The following FSTL5 variants were observed in gnomAD, a reference collection of about 807,000 sequenced individuals.
FSTL5 encodes the protein follistatin-related protein 5.
In FSTL5, 62 loss-of-function variants were observed where a neutral mutation model predicts 89.1. That is an observed-to-expected ratio of 0.70 (90% CI 0.57 to 0.86). FSTL5 has a LOEUF of 0.86. Among genes scored for constraint, FSTL5 ranks in the 40% least tolerant of loss-of-function variants. The pLI is 0.00. For synonymous variants in FSTL5, 383 were observed against 346.2 expected, an observed-to-expected ratio of 1.11 and a Z score of -1.18; for missense variants, 1,057 against 1,001.6, an observed-to-expected ratio of 1.06 and a Z score of -0.75.
intron 3 of FSTL5, among the ~76,000 whole-genome samples, chr4:161,970,480 G>C (rs1261364369): frequency 6.6e-6 from 1 of 152,020 alleles, no homozygotes; most frequent in Admixed American, 6.6e-5. Context: ...AGTGTCATTA[G>C]GGCATACTAC....
intron 9 of FSTL5, among the ~76,000 whole-genome samples, chr4:161,541,108 C>A (rs1050095498): frequency 6.6e-6 from 1 of 152,100 alleles, no homozygotes; most frequent in Non-Finnish European, 1.5e-5. Flanking sequence ...ACTAAAGAAG[C>A]ATCTCATGAA....
intron 4 of FSTL5, among the ~76,000 whole-genome samples, chr4:161,897,359 C>A (rs1231367631): frequency 6.6e-6 from 1 of 151,168 alleles, no homozygotes; most frequent in South Asian, 2.1e-4. Context: ...TTCCTGAGTT[C>A]TCTGTGATAT....
intron 4 of FSTL5, among the ~76,000 whole-genome samples, chr4:161,803,447 T>C (rs1429115248): frequency 6.6e-6 from 1 of 152,000 alleles, no homozygotes; most frequent in Non-Finnish European, 1.5e-5. Flanking sequence ...AGTATCACTT[T>C]TACTACATCA....
intron 6 of FSTL5, among the ~76,000 whole-genome samples, chr4:161,660,180 C>A (rs1736658811): frequency 1.3e-5 from 2 of 152,048 alleles, no homozygotes; most frequent in Non-Finnish European, 2.9e-5. Context: ...CTTTTTAATT[C>A]AGCTTTTGTT....
chr4:161,619,032 G>A (rs1376576656), intron 7 of FSTL5, among the ~76,000 whole-genome samples: 8 of 152,146 alleles, frequency 5.3e-5, no homozygotes, highest in Admixed American at 2.6e-4. Flanking sequence ...CAGAAATAAC[G>A]CTGCATATCT....
intron 8 of FSTL5, among the ~76,000 whole-genome samples, chr4:161,571,102 C>T (rs1053467878): frequency 4.0e-5 from 6 of 150,998 alleles, no homozygotes; most frequent in Non-Finnish European, 7.4e-5. Context: ...GAGCAAGACT[C>T]CGTTTAAAAA....
intron 4 of FSTL5, among the ~76,000 whole-genome samples, chr4:161,839,104 T>A (rs985372588): frequency 2.6e-5 from 4 of 151,856 alleles, no homozygotes; most frequent in African/African-American, 7.3e-5. Context: ...TGAGAATAAA[T>A]GAGAGATTTA....
At chr4:162,140,550 A>G (rs1732688548) in intron 1 of FSTL5, among the ~76,000 whole-genome samples, 1 of 140,664 alleles carries the variant, frequency 7.1e-6, no homozygotes, top group African/African-American at 2.5e-5. Flanking sequence ...CATTTTAATA[A>G]CATTGGCTTT....
chr4:161,760,815 A>C (rs1222970490), intron 5 of FSTL5, among the ~76,000 whole-genome samples: 2 of 152,158 alleles, frequency 1.3e-5, no homozygotes, highest in African/African-American at 4.8e-5. Flanking sequence ...TGGTGATGCT[A>C]CTTTCTAAAG....
intron 4 of FSTL5, among the ~76,000 whole-genome samples, chr4:161,861,972 T>C (rs1362876229): frequency 1.3e-5 from 2 of 152,208 alleles, no homozygotes; most frequent in Admixed American, 6.5e-5. Flanking sequence ...TGACACAGCA[T>C]ACTCAAGAGA....
At chr4:161,583,086 C>T (rs1733491376) in intron 8 of FSTL5, among the ~76,000 whole-genome samples, 1 of 152,090 alleles carries the variant, frequency 6.6e-6, no homozygotes. Flanking sequence ...CCTGTAATCC[C>T]AGCTACTGGG....
chr4:161,671,424 C>T (rs775218096), intron 6 of FSTL5, among the ~76,000 whole-genome samples: 1 of 152,140 alleles, frequency 6.6e-6, no homozygotes, highest in Admixed American at 6.6e-5. Context: ...TCTATATATG[C>T]GGAGCTGAGC....
intron 4 of FSTL5, among the ~76,000 whole-genome samples, chr4:161,790,863 A>G (rs1729447146): frequency 6.6e-6 from 1 of 152,202 alleles, no homozygotes; most frequent in Admixed American, 6.5e-5. Context: ...TTCTAAAGAA[A>G]GGAGCACCTG....
chr4:161,552,383 A>C (rs1732246324), intron 8 of FSTL5: 1 of 151,744 alleles, frequency 6.6e-6, no homozygotes, highest in Admixed American at 6.6e-5. Flanking sequence ...AGACAGCCTA[A>C]ATCTGAGAAT....
chr4:161,499,949 T>A, intron 12 of FSTL5, 67 bp downstream of exon 12: 1 of 893,466 alleles, frequency 1.1e-6, no homozygotes, highest in Non-Finnish European at 1.9e-6. Flanking sequence ...TTGTTATATT[T>A]CCAAAACGTA....
chr4:161,824,829 G>A (rs776121132), intron 4 of FSTL5, among the ~76,000 whole-genome samples: 1 of 152,060 alleles, frequency 6.6e-6, no homozygotes, highest in East Asian at 1.9e-4. Flanking sequence ...AGTCCTAGGA[G>A]CTTTTTGCAT....
intron 3 of FSTL5, among the ~76,000 whole-genome samples, chr4:161,950,983 C>T (rs1269024656): frequency 2.0e-5 from 3 of 151,940 alleles, no homozygotes; most frequent in Admixed American, 1.3e-4. Context: ...ATTGTAGCTC[C>T]CGTAATTCCC....
chr4:161,597,310 T>C (rs1248346524), intron 7 of FSTL5, among the ~76,000 whole-genome samples: 3 of 152,032 alleles, frequency 2.0e-5, no homozygotes. Context: ...TTTCTTGTTT[T>C]TCTCAGGTTT....
At chr4:162,043,474 A>T (rs1467180452) in intron 2 of FSTL5, among the ~76,000 whole-genome samples, 1 of 152,176 alleles carries the variant, frequency 6.6e-6, no homozygotes. Context: ...GCCTTCAGTG[A>T]GTCACAAGTT....
Sources: gnomAD v4.1 joint callset for allele counts (sites outside exome capture counted in the v4.1 genomes callset) on GRCh38, gnomAD v4.1.1 for gene constraint, MANE v1.5 for transcripts, NCBI Gene and HGNC (gene_info 2026-07-23, HGNC 2026-07-21) for gene names.